Variants in CDH13 observed in about 807,000 individuals in gnomAD.
CDH13 encodes the protein cadherin 13.
In CDH13, 24 loss-of-function variants were observed where a neutral mutation model predicts 63.8. The ratio of observed to expected loss-of-function variants is 0.38; its 90% CI spans 0.27 to 0.53. The LOEUF (loss-of-function observed/expected upper bound fraction) is 0.53. CDH13 is among the 20% of genes least tolerant of loss of function. The probability of loss-of-function intolerance (pLI) is 0.85; values close to 1 mark genes in which losing one functional copy is unlikely to be tolerated. For missense variants in CDH13, 1,049 were observed against 903.1 expected (o/e 1.16, Z -2.07); for synonymous variants, 503 against 355.3 (o/e 1.42, Z -4.67).
intron 7 of CDH13, among the ~76,000 whole-genome samples, chr16:83,493,161 C>A (rs998962636): frequency 6.6e-6 from 1 of 152,152 alleles, no homozygotes; most frequent in East Asian, 1.9e-4. Context: ...CAAGTACTAG[C>A]GTGATACTTA....
At chr16:82,791,535 C>G (rs1033820913) in intron 1 of CDH13, among the ~76,000 whole-genome samples, 2 of 152,168 alleles carry the variant, frequency 1.3e-5, no homozygotes, top group Non-Finnish European at 2.9e-5. Flanking sequence ...TCTGTTAAAT[C>G]TTGCAAGTGA....
intron 6 of CDH13, among the ~76,000 whole-genome samples, chr16:83,346,868 C>A (rs897537245): frequency 6.6e-6 from 1 of 152,138 alleles, no homozygotes; most frequent in Non-Finnish European, 1.5e-5. Flanking sequence ...CAGTTAGAGA[C>A]AGTTCTCCAG....
intron 7 of CDH13, among the ~76,000 whole-genome samples, chr16:83,500,663 C>T (rs2151586026): frequency 6.9e-6 from 1 of 144,104 alleles, no homozygotes; most frequent in South Asian, 2.4e-4. Flanking sequence ...ACCTCAGACT[C>T]CTGGATTCAA....
chr16:82,689,982 TAAAAAAAAAAAAAAAAAAA>T (rs71146085), intron 1 of CDH13, among the ~76,000 whole-genome samples: 11 of 15,778 alleles, frequency 7.0e-4, no homozygotes, highest in Admixed American at 2.6e-3. Context: ...CCATCTCTAC[TAAAAAAAAAAAAAAAAAAA>T]AAAAAAAAAA....
chr16:83,572,175 GGTGTGTGT>G (rs71148844), intron 7 of CDH13, among the ~76,000 whole-genome samples: 47,498 of 145,588 alleles, frequency 0.33, 7,564 homozygotes, highest in Middle Eastern at 0.45. Context: ...ACTTTCCTGT[GGTGTGTGT>G]GTGTGTGTGT....
chr16:83,779,968 G>A lies in CDH13; in HGVS notation c.1682G>A (p.Gly561Asp). 6.2e-7 allele frequency: 1 copy of A among 1,601,354 alleles called. No homozygotes were observed. The highest frequency in any genetic ancestry group is 8.5e-7 in the Non-Finnish European group (1 of 1,171,302). The change falls in exon 12 of 14, where the codon GGC (glycine) becomes GAC (aspartate). Residue 561 changes from glycine to aspartate, a missense_variant and splice_region_variant. Coordinates refer to ENST00000567109, the MANE Select transcript of CDH13 (RefSeq NM_001257.5). ...YTALFLAIDSGNPPATGTGTL... is the reference protein window; with the variant it reads ...YTALFLAIDSDNPPATGTGTL... ...CCAACATCTTCCCTTTTTCCCACAG[G>A]CAACCCTCCCGCTACGGGCACTGGG...
chr16:83,171,793 A>C (rs903211661), intron 4 of CDH13, among the ~76,000 whole-genome samples: 7 of 152,106 alleles, frequency 4.6e-5, no homozygotes, highest in Non-Finnish European at 8.8e-5. Context: ...CAGTTTCCTG[A>C]CATCTTTCTT....
At chr16:83,479,582 G>A (rs760459497) in intron 6 of CDH13, among the ~76,000 whole-genome samples, 6 of 152,076 alleles carry the variant, frequency 3.9e-5, no homozygotes, top group South Asian at 2.1e-4. Flanking sequence ...GCATGAACCC[G>A]GGAGGCGGAG....
intron 3 of CDH13, among the ~76,000 whole-genome samples, chr16:83,080,511 C>T (rs1246162956): frequency 6.6e-6 from 1 of 152,180 alleles, no homozygotes; most frequent in African/African-American, 2.4e-5. Flanking sequence ...TGCACTGTGA[C>T]TATCTAATGC....
At chr16:82,760,442 G>C (rs1251661457) in intron 1 of CDH13, among the ~76,000 whole-genome samples, 1 of 152,088 alleles carries the variant, frequency 6.6e-6, no homozygotes, top group Non-Finnish European at 1.5e-5. Context: ...TATGAGTAGA[G>C]ACCAACTGAA....
intron 1 of CDH13, among the ~76,000 whole-genome samples, chr16:82,856,532 T>G (rs796557566): frequency 8.0e-5 from 12 of 150,436 alleles, no homozygotes; most frequent in African/African-American, 2.9e-4. Context: ...TGAAACCTCC[T>G]CAGTACAAAA....
chr16:83,416,432 C>G (rs1030411525), intron 6 of CDH13, among the ~76,000 whole-genome samples: 3 of 152,200 alleles, frequency 2.0e-5, no homozygotes, highest in African/African-American at 7.2e-5. Context: ...CTGTCCTCAG[C>G]AGATTCACCT....
intron 1 of CDH13, among the ~76,000 whole-genome samples, chr16:82,655,809 G>C (rs1429408915): frequency 6.6e-6 from 1 of 152,072 alleles, no homozygotes; most frequent in South Asian, 2.1e-4. Context: ...TTAACAATGG[G>C]GAAACTGAAG....
rs1055905677 is a variant in CDH13, at chr16:83,047,793, G to T, written c.366+15575G>T. 6.6e-6 allele frequency among the ~76,000 whole-genome samples: 1 copy of T among 152,106 alleles called. No homozygotes were observed. The highest frequency in any genetic ancestry group is 1.5e-5 in the Non-Finnish European group (1 of 68,024). ...TTATTTAGCTCAAACGTTGTGCGGG[G>T]CACCACTTTAAGTGCATTTCTTACA... On this transcript the variant is annotated intron_variant, in intron 3 of 13. Transcript: ENST00000567109. This position sits in a 1 kb window ranked among gnomAD's most constrained non-coding sequence, Gnocchi z 4.9.
intron 1 of CDH13, among the ~76,000 whole-genome samples, chr16:82,827,964 C>G (rs1191218555): frequency 6.6e-6 from 1 of 152,032 alleles, no homozygotes; most frequent in Non-Finnish European, 1.5e-5. Context: ...CCTGGTTTGC[C>G]CAATTCTGTC....
At chr16:82,915,907 G>T (rs1358623575) in intron 2 of CDH13, among the ~76,000 whole-genome samples, 2 of 150,862 alleles carry the variant, frequency 1.3e-5, no homozygotes, top group Non-Finnish European at 2.9e-5. Context: ...GCTAACTACA[G>T]GGAAGAGATG....
chr16:82,920,336 A>G (rs1303503384), intron 2 of CDH13, among the ~76,000 whole-genome samples: 1 of 152,208 alleles, frequency 6.6e-6, no homozygotes, highest in East Asian at 1.9e-4. Context: ...GCTCACATCC[A>G]TCCTTCAGAG....
intron 3 of CDH13, among the ~76,000 whole-genome samples, chr16:83,081,927 A>C (rs2033282474): frequency 6.6e-6 from 1 of 152,022 alleles, no homozygotes; most frequent in South Asian, 2.1e-4. Context: ...CAGGCTCCCA[A>C]ATTGCTGGGA....
chr16:82,956,561 C>A (rs1251323491), intron 2 of CDH13, among the ~76,000 whole-genome samples: 1 of 152,142 alleles, frequency 6.6e-6, no homozygotes, highest in Non-Finnish European at 1.5e-5. Flanking sequence ...TTTGGAACTC[C>A]TCTTGGATCA....
Sources: gnomAD v4.1 joint callset for allele counts (sites outside exome capture counted in the v4.1 genomes callset) on GRCh38, gnomAD v4.1.1 for gene constraint, Gnocchi (gnomAD v3.1) non-coding constraint, MANE v1.5 for transcripts, NCBI Gene and HGNC (gene_info 2026-07-23, HGNC 2026-07-21) for gene names.